Variants in EPB41L2 observed in about 807,000 individuals in gnomAD.
EPB41L2 encodes erythrocyte membrane protein band 4.1 like 2.
Under a neutral mutation model 113.0 loss-of-function variants are expected in EPB41L2, and 43 were observed. The observed-to-expected ratio is 0.38, with a 90% CI of 0.30 to 0.49. The LOEUF (loss-of-function observed/expected upper bound fraction) is 0.49. Among genes scored for constraint, EPB41L2 ranks in the 20% least tolerant of loss-of-function variants. The probability of loss-of-function intolerance (pLI) is 0.95; values close to 1 mark genes in which losing one functional copy is unlikely to be tolerated. For synonymous variants in EPB41L2, 442 were observed against 436.7 expected, an observed-to-expected ratio of 1.01 and a Z score of -0.15; for missense variants, 1,147 against 1,223.4, an observed-to-expected ratio of 0.94 and a Z score of 0.93.
intron 1 of EPB41L2, among the ~76,000 whole-genome samples, chr6:130,974,717 CTTTTTTTTTTT>C (rs71030723): frequency 1.5e-5 from 1 of 64,642 alleles, no homozygotes; most frequent in African/African-American, 6.2e-5. Flanking sequence ...CTTTTCTTTT[CTTTTTTTTTTT>C]TTTTTTTTTT....
intron 4 of EPB41L2, among the ~76,000 whole-genome samples, chr6:130,912,056 T>C (rs1273900488): frequency 2.0e-5 from 3 of 152,116 alleles, no homozygotes; most frequent in Non-Finnish European, 4.4e-5. Context: ...GCACAAACCC[T>C]ATTGTGAACT....
intron 1 of EPB41L2, among the ~76,000 whole-genome samples, chr6:130,994,044 G>A (rs960757441): frequency 1.3e-5 from 2 of 152,140 alleles, no homozygotes; most frequent in Non-Finnish European, 2.9e-5. Flanking sequence ...TTATTTGTGA[G>A]TTTATGGTAC....
At chr6:130,927,329 C>T (rs1805095626) in intron 3 of EPB41L2, among the ~76,000 whole-genome samples, 1 of 152,044 alleles carries the variant, frequency 6.6e-6, no homozygotes, top group African/African-American at 2.4e-5. Context: ...CATATTTTTA[C>T]CTTGAATATA....
At chr6:130,944,826 G>C (rs1003681382) in intron 3 of EPB41L2, among the ~76,000 whole-genome samples, 1 of 152,134 alleles carries the variant, frequency 6.6e-6, no homozygotes, top group African/African-American at 2.4e-5. Flanking sequence ...GGAGGGAGGG[G>C]GGCCGAGGTC....
At chr6:130,853,751 T>C (rs528606379) in intron 19 of EPB41L2, among the ~76,000 whole-genome samples, 1 of 152,270 alleles carries the variant, frequency 6.6e-6, no homozygotes, top group East Asian at 1.9e-4. Context: ...AAGGGCAAGA[T>C]CAGGTCAGGA....
intron 1 of EPB41L2, among the ~76,000 whole-genome samples, chr6:130,977,742 C>T (rs1490625683): frequency 6.6e-6 from 1 of 152,204 alleles, no homozygotes; most frequent in Admixed American, 6.5e-5. Context: ...TTGAGATATG[C>T]TCCCATGTTG....
chr6:131,024,243 T>C (rs1225270031), intron 1 of EPB41L2, among the ~76,000 whole-genome samples: 1 of 151,890 alleles, frequency 6.6e-6, no homozygotes, highest in Non-Finnish European at 1.5e-5. Flanking sequence ...GAGGAACAAA[T>C]ATACAAAAGC....
Position 130,867,982 on chromosome 6 carries a change from T to A in EPB41L2, c.2608-401A>T, listed in dbSNP as rs1582868326. 93 of 165,266 alleles carry A rather than the reference T, an allele frequency of 5.6e-4. 7 individuals are homozygous for A. The highest frequency in any genetic ancestry group is 3.6e-3 in the South Asian group (25 of 6,904). 10.2% of individuals were successfully genotyped at this position (165,266 alleles called of 1,614,324 possible). On this transcript the variant is annotated intron_variant, in intron 15 of 19. Transcript: ENST00000337057. Reference sequence around the variant, plus strand: ...CACACACACACACACACTCTCTCTCTCTCTCTCTCTCTCTCTCCTCCTCCC... The same window carrying A: ...CACACACACACACACACTCTCTCTCACTCTCTCTCTCTCTCTCCTCCTCCC...
In EPB41L2 at chr6:131,040,386, C is replaced by T. The variant is rs910045383; in HGVS notation, c.-15+22769G>A. Among the ~76,000 whole-genome samples the T allele has an allele frequency of 4.3e-4, 66 of 152,170 alleles. 4 individuals carry two copies. Among genetic ancestry groups the T allele is most frequent in the Non-Finnish European group, 2.9e-5 (2 of 68,016 alleles). ...ACCAGAAGGCAGAGGTTGCAGTGAGCCGGGATTGCGCCACTGCACTCCAGC... is the reference window on the plus strand; with the variant it reads ...ACCAGAAGGCAGAGGTTGCAGTGAGTCGGGATTGCGCCACTGCACTCCAGC... On this transcript the variant is annotated intron_variant, in intron 1 of 19. Coordinates refer to ENST00000337057, the MANE Select transcript of EPB41L2 (RefSeq NM_001431.4).
At chr6:130,888,313 A>G (rs918538175) in intron 11 of EPB41L2, among the ~76,000 whole-genome samples, 1 of 152,152 alleles carries the variant, frequency 6.6e-6, no homozygotes. Flanking sequence ...AATCCTTTTG[A>G]TGACTTACCC....
chr6:130,860,826 G>A (rs575241262), intron 18 of EPB41L2, among the ~76,000 whole-genome samples: 6 of 152,110 alleles, frequency 3.9e-5, no homozygotes, highest in Non-Finnish European at 7.4e-5. Context: ...GAGCCACCGC[G>A]CCCGGCTCTT....
intron 1 of EPB41L2, among the ~76,000 whole-genome samples, chr6:130,972,311 G>A (rs1777000418): frequency 9.7e-6 from 1 of 103,288 alleles, no homozygotes; most frequent in African/African-American, 4.0e-5. Context: ...GCAGCAGAAT[G>A]AGACTCCATC....
At chr6:130,990,853 G>A (rs186733817) in intron 1 of EPB41L2, among the ~76,000 whole-genome samples, 2 of 145,624 alleles carry the variant, frequency 1.4e-5, no homozygotes, top group African/African-American at 5.1e-5. Context: ...TTGAGGTGGA[G>A]TCTCGCTCTG....
chr6:130,930,302 C>T (rs1277352139), intron 3 of EPB41L2, among the ~76,000 whole-genome samples: 1 of 152,136 alleles, frequency 6.6e-6, no homozygotes, highest in East Asian at 1.9e-4. Context: ...CCACACCTCA[C>T]TAAATGAGGT....
intron 1 of EPB41L2, among the ~76,000 whole-genome samples, chr6:130,984,188 GTCA>G (rs1780001544): frequency 6.6e-6 from 1 of 152,170 alleles, no homozygotes; most frequent in Admixed American, 6.5e-5. Context: ...ACATGGAGCT[GTCA>G]TCTCCCATGA....
chr6:130,883,130 C>A (rs1441894282), intron 12 of EPB41L2: 1 of 152,526 alleles, frequency 6.6e-6, no homozygotes, highest in Non-Finnish European at 1.5e-5. Flanking sequence ...AGATGAAGTA[C>A]GGTGGATGAG....
intron 1 of EPB41L2, among the ~76,000 whole-genome samples, chr6:131,055,345 T>C (rs1308781044): frequency 6.6e-6 from 1 of 152,226 alleles, no homozygotes; most frequent in African/African-American, 2.4e-5. Flanking sequence ...TCCTCTGGTA[T>C]ATTTTTCTAA....
intron 1 of EPB41L2, among the ~76,000 whole-genome samples, chr6:130,981,838 AG>A (rs1158960042): frequency 3.3e-5 from 5 of 152,182 alleles, no homozygotes; most frequent in African/African-American, 1.2e-4. Flanking sequence ...TGGAGAAAAA[AG>A]TATATGTGGT....
At chr6:130,991,457 T>C (rs989888863) in intron 1 of EPB41L2, among the ~76,000 whole-genome samples, 1 of 152,220 alleles carries the variant, frequency 6.6e-6, no homozygotes, top group African/African-American at 2.4e-5. Context: ...CTAATTCATG[T>C]TTGATACAGT....
Sources: allele counts gnomAD v4.1 joint callset (sites outside exome capture counted in the v4.1 genomes callset), GRCh38; gene constraint gnomAD v4.1.1; transcripts MANE v1.5; gene names NCBI Gene and HGNC (gene_info 2026-07-23, HGNC 2026-07-21).